Variants in RHOU observed in about 807,000 individuals in gnomAD.
The protein encoded by RHOU is rho-related GTP-binding protein RhoU.
Under a neutral mutation model 12.6 loss-of-function variants are expected in RHOU, and 8 were observed. That is an observed-to-expected ratio of 0.64 (90% CI 0.37 to 1.15). The LOEUF is 1.15. RHOU is among the 50% of genes most tolerant of loss of function. The pLI, the probability that RHOU is intolerant of heterozygous loss-of-function variation, is 0.01. For synonymous variants in RHOU, 161 were observed against 147.4 expected (o/e 1.09, Z -0.67); for missense variants, 258 against 347.0 (o/e 0.74, Z 2.04).
At chr1:228,663,227 T>A in the RHOU span, among the ~76,000 whole-genome samples, 2 of 152,238 alleles carry the variant, frequency 1.3e-5, no homozygotes, top group Non-Finnish European at 2.9e-5. Context: ...AGTTGAATAG[T>A]CTGGACAGAG....
chr1:228,745,208 A>G lies in RHOU; in HGVS notation c.*1468A>G, dbSNP rs1238608199. 2 of 152,158 alleles carry G rather than the reference A, an allele frequency of 1.3e-5. No homozygotes were observed. Among genetic ancestry groups the G allele is most frequent in the African/African-American group, 2.4e-5 (1 of 41,432 alleles). The allele number at this position is 152,158 out of a possible 1,614,324, so 9.4% of individuals were successfully genotyped here. A position where few individuals can be genotyped will look rare whatever the true frequency, so the allele number is the denominator to read the frequency against. Reference sequence around the variant, plus strand: ...GCTGTTAGGGCTGAATCTTCTGGAGAAAAAGGTGCCATCTCAGGAGAATAG... The same window carrying G: ...GCTGTTAGGGCTGAATCTTCTGGAGGAAAAGGTGCCATCTCAGGAGAATAG... On this transcript the variant is annotated 3_prime_UTR_variant, in exon 3 of 3. Coordinates refer to ENST00000366691, the MANE Select transcript of RHOU (RefSeq NM_021205.6).
the RHOU span, among the ~76,000 whole-genome samples, chr1:228,708,222 G>A: frequency 6.6e-6 from 1 of 152,140 alleles, no homozygotes; most frequent in African/African-American, 2.4e-5. Context: ...GAACCAAGTT[G>A]GAAAACACTC....
At chr1:228,662,493 A>G in the RHOU span, among the ~76,000 whole-genome samples, 5 of 152,218 alleles carry the variant, frequency 3.3e-5, no homozygotes, top group African/African-American at 9.6e-5. Context: ...ATGGAATACT[A>G]TGCTGCCACA....
the RHOU span, among the ~76,000 whole-genome samples, chr1:228,677,708 A>G: frequency 6.6e-6 from 1 of 152,092 alleles, no homozygotes; most frequent in Admixed American, 6.6e-5. Context: ...AAAGAATAGG[A>G]CTTCATCAGG....
At chr1:228,687,499 A>T in the RHOU span, 1 of 1,582,412 alleles carries the variant, frequency 6.3e-7, no homozygotes, top group South Asian at 1.1e-5. Flanking sequence ...AAGCTGCAGA[A>T]CCAACGAGGT....
the RHOU span, among the ~76,000 whole-genome samples, chr1:228,646,609 G>A: frequency 2.3e-5 from 3 of 132,804 alleles, no homozygotes; most frequent in East Asian, 4.6e-4. Flanking sequence ...GGCGTGGGGT[G>A]TAGCGGGTCG....
At chr1:228,707,133 T>C in the RHOU span, among the ~76,000 whole-genome samples, 2 of 117,660 alleles carry the variant, frequency 1.7e-5, no homozygotes, top group Non-Finnish European at 3.4e-5. Flanking sequence ...TATACATATA[T>C]ATATATATAT....
At chr1:228,713,503 T>C in the RHOU span, among the ~76,000 whole-genome samples, 1 of 152,276 alleles carries the variant, frequency 6.6e-6, no homozygotes, top group East Asian at 1.9e-4. Context: ...TTTTTATTTC[T>C]ACTTTTTGTA....
At chr1:228,686,902 G>C in the RHOU span, among the ~76,000 whole-genome samples, 2 of 152,066 alleles carry the variant, frequency 1.3e-5, no homozygotes, top group Non-Finnish European at 2.9e-5. Flanking sequence ...ACCACATCTA[G>C]CTGATTTTTG....
intron 2 of RHOU, among the ~76,000 whole-genome samples, chr1:228,742,970 T>C (rs1388367246): frequency 1.3e-5 from 2 of 152,196 alleles, no homozygotes; most frequent in African/African-American, 4.8e-5. Context: ...ATTTTATTTC[T>C]AGAACCCACC....
the RHOU span, among the ~76,000 whole-genome samples, chr1:228,673,035 T>G: frequency 6.6e-6 from 1 of 152,280 alleles, no homozygotes; most frequent in South Asian, 2.1e-4. Flanking sequence ...CCAATTTTAT[T>G]TTTACTTGAT....
At chr1:228,668,082 T>C in the RHOU span, among the ~76,000 whole-genome samples, 2 of 152,336 alleles carry the variant, frequency 1.3e-5, no homozygotes, top group South Asian at 4.1e-4. Context: ...ATTTAATCAA[T>C]CATACCTATG....
At chr1:228,647,056 C>A in the RHOU span, among the ~76,000 whole-genome samples, 1 of 152,096 alleles carries the variant, frequency 6.6e-6, no homozygotes, top group East Asian at 1.9e-4. Flanking sequence ...AGCTAGAGAG[C>A]GAGAACGTTT....
the RHOU span, chr1:228,652,348 T>C: frequency 6.6e-6 from 1 of 152,252 alleles, no homozygotes; most frequent in Non-Finnish European, 1.5e-5. Context: ...TCCATGCAAA[T>C]GTGAAGAAAA....
rs147872156 is a variant in RHOU at position 228,739,096 on chromosome 1, G to C, written c.321+1365G>C. ...TGATGGTGCCACTGCACTCCAGCCTGGGCGACAGAGCAAGATCCCATCTCT... is the reference window on the plus strand; with the variant it reads ...TGATGGTGCCACTGCACTCCAGCCTCGGCGACAGAGCAAGATCCCATCTCT... On this transcript the variant is annotated intron_variant, in intron 2 of 2. Coordinates refer to ENST00000366691, the MANE Select transcript of RHOU (RefSeq NM_021205.6). Among the ~76,000 whole-genome samples, 243 of 152,214 alleles carry C rather than the reference G, an allele frequency of 1.6e-3. 1 individual carries two copies. Among genetic ancestry groups the C allele is most frequent in the African/African-American group, 5.8e-3 (239 of 41,548 alleles).
intron 2 of RHOU, among the ~76,000 whole-genome samples, chr1:228,742,913 A>G (rs1227561962): frequency 1.3e-5 from 2 of 152,192 alleles, no homozygotes; most frequent in Non-Finnish European, 1.5e-5. Context: ...CTAAGTACCA[A>G]GAGTTGAGAG....
chr1:228,699,642 C>T, the RHOU span, among the ~76,000 whole-genome samples: 4 of 146,454 alleles, frequency 2.7e-5, no homozygotes, highest in Admixed American at 2.0e-4. Context: ...CAAGGCAATC[C>T]GGTCAATTAA....
At chr1:228,692,755 G>A in the RHOU span, among the ~76,000 whole-genome samples, 19 of 151,678 alleles carry the variant, frequency 1.3e-4, no homozygotes, top group South Asian at 4.0e-3. Flanking sequence ...TTTTTACAAC[G>A]TTTATGGATG....
the RHOU span, chr1:228,687,862 A>C: frequency 9.8e-7 from 1 of 1,023,782 alleles, no homozygotes; most frequent in South Asian, 1.3e-5. Context: ...CGTGGGAGTG[A>C]CTTCCCTGGT....
Sources: allele counts gnomAD v4.1 joint callset (sites outside exome capture counted in the v4.1 genomes callset), GRCh38; gene constraint gnomAD v4.1.1; transcripts MANE v1.5; gene names NCBI Gene and HGNC (gene_info 2026-07-23, HGNC 2026-07-21).